Variants in ANK1 observed in about 807,000 individuals in gnomAD.
The protein encoded by ANK1 is ankyrin 1.
ANK1 carries 51 observed loss-of-function variants against 210.4 expected under a neutral mutation model. The observed-to-expected ratio is 0.24, with a 90% CI of 0.19 to 0.31. The LOEUF (loss-of-function observed/expected upper bound fraction) is 0.31, where lower values mean the gene tolerates loss of function less well. ANK1 is among the 10% of genes least tolerant of loss of function. The pLI, the probability that ANK1 is intolerant of heterozygous loss-of-function variation, is 1.00. For missense variants in ANK1, 2,051 were observed against 2,504.4 expected (o/e 0.82, Z 3.86); for synonymous variants, 967 against 1,025.9 (o/e 0.94, Z 1.10).
intron 1 of ANK1, among the ~76,000 whole-genome samples, chr8:41,872,235 C>A (rs578089743): frequency 6.6e-6 from 1 of 152,222 alleles, no homozygotes; most frequent in Non-Finnish European, 1.5e-5. Flanking sequence ...TGGAGCTTAA[C>A]TACAGCCGAA....
intron 2 of ANK1, among the ~76,000 whole-genome samples, chr8:41,737,008 T>C (rs1399398144): frequency 6.6e-6 from 1 of 152,184 alleles, no homozygotes; most frequent in African/African-American, 2.4e-5. Flanking sequence ...TAAAAACTAC[T>C]GTGATAACTG....
At chr8:41,683,427 G>A (rs1816733172) in intron 37 of ANK1, among the ~76,000 whole-genome samples, 1 of 152,178 alleles carries the variant, frequency 6.6e-6, no homozygotes, top group African/African-American at 2.4e-5. Flanking sequence ...CCTGGTAGGG[G>A]CTCCGTGCCC....
At chr8:41,700,623 A>G (rs963163848) in intron 22 of ANK1, among the ~76,000 whole-genome samples, 6 of 152,192 alleles carry the variant, frequency 3.9e-5, no homozygotes, top group Non-Finnish European at 8.8e-5. Context: ...GATCCAGCCC[A>G]CCCCACTATT....
At position 41,848,232 on chromosome 8, in the gene ANK1, CTG is replaced by C. The variant is rs71966659; in HGVS notation, c.126+48121_126+48122del. Among the ~76,000 whole-genome samples the C allele has an allele frequency of 5.6e-3, 705 of 125,384 alleles. 3 individuals carry two copies. Among genetic ancestry groups the C allele is most frequent in the East Asian group, 0.03 (139 of 4,670 alleles). The allele number at this position is 125,384 out of a possible 152,430, so 82.3% of individuals were successfully genotyped here. ...TAAATAAATAAATAAATAAATAAAA[CTG>C]TGCAATATACATTATTATGCAACAA... On this transcript the variant is annotated intron_variant, in intron 1 of 42. Transcript: ENST00000265709.
intron 1 of ANK1, among the ~76,000 whole-genome samples, chr8:41,770,879 A>G (rs1842844218): frequency 6.6e-6 from 1 of 152,200 alleles, no homozygotes; most frequent in African/African-American, 2.4e-5. Flanking sequence ...CATTGGAGCT[A>G]ATTATATGGT....
Position 41,772,813 on chromosome 8 carries a change from A to G in ANK1, c.28-14676T>C, listed in dbSNP as rs149794144. Among the ~76,000 whole-genome samples, 796 of 151,978 alleles carry G rather than the reference A, an allele frequency of 5.2e-3. 8 individuals are homozygous for G. The highest frequency in any genetic ancestry group is 7.3e-3 in the Non-Finnish European group (498 of 67,934). On this transcript the variant is annotated intron_variant, in intron 1 of 42. Transcript: ENST00000289734. ...CCATCTGTTCCATCCTCACCCACCC[A>G]AGGAGCCGCCCCTGCTCCTAGAGAC...
At chr8:41,792,816 G>A (rs534663725) in intron 1 of ANK1, among the ~76,000 whole-genome samples, 2 of 152,292 alleles carry the variant, frequency 1.3e-5, no homozygotes, top group African/African-American at 4.8e-5. Flanking sequence ...ATTTTCAATC[G>A]CAGGTTTGTG....
At chr8:41,868,825 T>C (rs1325802883) in intron 1 of ANK1, among the ~76,000 whole-genome samples, 1 of 152,166 alleles carries the variant, frequency 6.6e-6, no homozygotes, top group African/African-American at 2.4e-5. Context: ...ACAAATTTTA[T>C]AACAGACACT....
At chr8:41,697,420 C>T (rs1821372573) in intron 24 of ANK1, among the ~76,000 whole-genome samples, 1 of 152,162 alleles carries the variant, frequency 6.6e-6, no homozygotes, top group South Asian at 2.1e-4. Context: ...CCAGAACGTC[C>T]TTGTCCATCG....
At chr8:41,779,951 G>A (rs763338176) in intron 1 of ANK1, among the ~76,000 whole-genome samples, 2 of 152,242 alleles carry the variant, frequency 1.3e-5, no homozygotes, top group African/African-American at 2.4e-5. Context: ...ATCTGGCTGG[G>A]AAAGCCATGA....
chr8:41,889,817 G>T (rs1401192867), intron 1 of ANK1, among the ~76,000 whole-genome samples: 1 of 152,192 alleles, frequency 6.6e-6, no homozygotes, highest in Non-Finnish European at 1.5e-5. Context: ...TACAGCACTG[G>T]TGCCACACAA....
At chr8:41,877,178 T>C in intron 1 of ANK1, among the ~76,000 whole-genome samples, 1 of 152,192 alleles carries the variant, frequency 6.6e-6, no homozygotes, top group Non-Finnish European at 1.5e-5. Flanking sequence ...CACACTGTCA[T>C]AGAAGGGACC....
intron 33 of ANK1, 110 bp downstream of exon 33, chr8:41,690,117 A>G (rs1296144344): frequency 6.5e-7 from 1 of 1,540,914 alleles, no homozygotes; most frequent in East Asian, 2.3e-5. Flanking sequence ...GGGGACTCTA[A>G]GCTTCCACCA....
intron 3 of ANK1, 38 bp from the exon 4 acceptor site, chr8:41,728,044 C>T: frequency 6.2e-7 from 1 of 1,606,806 alleles, no homozygotes. Context: ...GGCGGTTTCC[C>T]ACTGGGCCCG....
At chr8:41,672,994 G>C in intron 37 of ANK1, 82 bp from the exon 38 acceptor site, 1 of 1,393,530 alleles carries the variant, frequency 7.2e-7, no homozygotes, top group Non-Finnish European at 9.8e-7. Flanking sequence ...GCACACGCAC[G>C]AACACACACA....
intron 39 of ANK1, among the ~76,000 whole-genome samples, chr8:41,667,183 T>G (rs1810838112): frequency 6.6e-6 from 1 of 152,206 alleles, no homozygotes; most frequent in Non-Finnish European, 1.5e-5. Flanking sequence ...GGCACATACT[T>G]GGCAGGGGAG....
chr8:41,662,187 A>G (rs1808566030), intron 40 of ANK1, among the ~76,000 whole-genome samples: 1 of 150,294 alleles, frequency 6.7e-6, no homozygotes, highest in Non-Finnish European at 1.5e-5. Flanking sequence ...AACCTGGTGG[A>G]TGGAGGTTGC....
chr8:41,675,845 A>G (rs571781806), intron 37 of ANK1, among the ~76,000 whole-genome samples: 1 of 152,318 alleles, frequency 6.6e-6, no homozygotes, highest in East Asian at 1.9e-4. Context: ...AGGATTTTAC[A>G]TAAACGGATT....
chr8:41,664,563 C>T (rs190755646), intron 39 of ANK1, among the ~76,000 whole-genome samples: 41 of 152,162 alleles, frequency 2.7e-4, no homozygotes, highest in Admixed American at 1.6e-3. Context: ...CGCAGCCTCC[C>T]GAGACCCAAA....
Sources: gnomAD v4.1 joint callset for allele counts (sites outside exome capture counted in the v4.1 genomes callset) on GRCh38, gnomAD v4.1.1 for gene constraint, MANE v1.5 for transcripts, NCBI Gene and HGNC (gene_info 2026-07-23, HGNC 2026-07-21) for gene names.